Variants in LANCL2 observed in about 807,000 individuals in gnomAD.
The protein encoded by LANCL2 is LanC like glutathione S-transferase 2.
In LANCL2, 33 loss-of-function variants were observed where a neutral mutation model predicts 56.9. The observed-to-expected ratio is 0.58, with a 90% CI of 0.44 to 0.78. LANCL2 has a LOEUF of 0.78. LANCL2 is among the 30% of genes least tolerant of loss of function. The probability of loss-of-function intolerance (pLI) is 0.00; values close to 1 mark genes in which losing one functional copy is unlikely to be tolerated. For missense variants in LANCL2, 562 were observed against 580.2 expected, an observed-to-expected ratio of 0.97 and a Z score of 0.32; for synonymous variants, 233 against 228.2, an observed-to-expected ratio of 1.02 and a Z score of -0.19.
intron 7 of LANCL2, among the ~76,000 whole-genome samples, chr7:55,426,827 CG>C (rs1275116745): frequency 1.3e-5 from 2 of 152,116 alleles, no homozygotes; most frequent in African/African-American, 2.4e-5. Context: ...AGCCAGCGAG[CG>C]GGGAGCAGCC....
chr7:55,392,220 G>C (rs561230949), intron 2 of LANCL2, among the ~76,000 whole-genome samples: 1 of 152,214 alleles, frequency 6.6e-6, no homozygotes, highest in African/African-American at 2.4e-5. Flanking sequence ...TTGAACCTGG[G>C]AAGCGGAGGT....
intron 3 of LANCL2, 52 bp downstream of exon 3, chr7:55,398,682 G>A: frequency 1.5e-6 from 2 of 1,321,930 alleles, no homozygotes; most frequent in Non-Finnish European, 2.2e-6. Flanking sequence ...GGAAGCTCTT[G>A]CTGTAGAAAG....
intron 6 of LANCL2, among the ~76,000 whole-genome samples, chr7:55,414,074 G>GA (rs1185590786): frequency 8.5e-5 from 13 of 152,246 alleles, no homozygotes; most frequent in Admixed American, 6.5e-4. Context: ...ATATATCAAT[G>GA]AAAAATTTAA....
chr7:55,376,597 C>T (rs1205568252), intron 1 of LANCL2, among the ~76,000 whole-genome samples: 3 of 152,248 alleles, frequency 2.0e-5, no homozygotes, highest in Non-Finnish European at 4.4e-5. Flanking sequence ...TTGCCTGCCT[C>T]TGTGAGTGGG....
rs137977288 is a variant in LANCL2 at position 55,389,328 on chromosome 7, C to T, written c.205-2465C>T. ...TGCAGTTTCTCTTAGGTCATCCTGC[C>T]AATGAAGAGGGTTCCGCTTATGTCC... On this transcript the variant is annotated intron_variant, in intron 1 of 8. Transcript: ENST00000254770. Among the ~76,000 whole-genome samples, 77 of 152,202 alleles carry T rather than the reference C, an allele frequency of 5.1e-4. 1 individual carries two copies. The East Asian group carries it at 0.015, about 29-fold the overall frequency.
intron 6 of LANCL2, among the ~76,000 whole-genome samples, chr7:55,417,124 C>A (rs1181437423): frequency 6.6e-6 from 1 of 151,750 alleles, no homozygotes; most frequent in Non-Finnish European, 1.5e-5. Context: ...GGACTACAGG[C>A]GCCCGTCACC....
intron 2 of LANCL2, among the ~76,000 whole-genome samples, chr7:55,398,069 C>A (rs1790276971): frequency 6.6e-6 from 1 of 152,134 alleles, no homozygotes. Context: ...AAGTTAGGAT[C>A]TACAAGGGAG....
At position 55,401,274 on chromosome 7, in the gene LANCL2, T is replaced by C. The variant is rs201326525; in HGVS notation, c.779T>C (p.Val260Ala). The C allele has an allele frequency of 1.1e-5, 17 of 1,614,100 alleles. No individual in the cohort carries two copies. The East Asian group carries it at 2.7e-4, about 25-fold the overall frequency. The part of the protein sequence containing the change: ...LLYQWHRKQY[V>A]GAAHGMAGIY... ...TACCAGTGGCACCGGAAGCAGTACG[T>C]TGGAGCAGCCCATGGCATGGCTGGA... Residue 260 changes from valine (V) to alanine (A), a missense_variant, in exon 5 of 9, where the codon GTT (valine) becomes GCT (alanine). Physicochemically the swap from Val to Ala is moderately conservative, Grantham distance 64. Transcript: ENST00000254770.
At chr7:55,431,133 C>A in intron 8 of LANCL2, 93 bp from the exon 9 acceptor site, 1 of 857,490 alleles carries the variant, frequency 1.2e-6, no homozygotes, top group Non-Finnish European at 1.7e-6. Flanking sequence ...TTCCCACATG[C>A]TTGCAGCCCC....
At chr7:55,379,279 C>T (rs547607787) in intron 1 of LANCL2, among the ~76,000 whole-genome samples, 5 of 152,308 alleles carry the variant, frequency 3.3e-5, no homozygotes, top group South Asian at 4.1e-4. Flanking sequence ...GCCTGGAAAA[C>T]TCAACTTAAA....
intron 4 of LANCL2, among the ~76,000 whole-genome samples, chr7:55,400,910 C>T (rs952835437): frequency 6.6e-6 from 1 of 152,092 alleles, no homozygotes; most frequent in South Asian, 2.1e-4. Flanking sequence ...CTAGATTTTT[C>T]GTTGACTTTT....
At chr7:55,421,424 C>CG (rs1393531249) in intron 6 of LANCL2, among the ~76,000 whole-genome samples, 1 of 150,984 alleles carries the variant, frequency 6.6e-6, no homozygotes, top group Non-Finnish European at 1.5e-5. Flanking sequence ...CTGCAACCTC[C>CG]GCCTCCTGGG....
Position 55,404,253 on chromosome 7 carries a change from TCTC to T in LANCL2, c.825+2944_825+2946del, listed in dbSNP as rs574561230. 1.3e-3 allele frequency among the ~76,000 whole-genome samples: 200 copies of T among 152,146 alleles called. 2 individuals are homozygous for T. Among genetic ancestry groups the T allele is most frequent in the African/African-American group, 4.7e-3 (195 of 41,500 alleles). ...TCTGCCACCGCCTCCTCCTCCTTCT[TCTC>T]CTCCTCCTCCCTCCTCTACCTTTCT... On this transcript the variant is annotated intron_variant, in intron 5 of 8. Transcript: ENST00000254770.
chr7:55,387,043 G>T (rs1204457033), intron 1 of LANCL2, among the ~76,000 whole-genome samples: 1 of 151,950 alleles, frequency 6.6e-6, no homozygotes, highest in Non-Finnish European at 1.5e-5. Context: ...AAAAGTTTGG[G>T]TTTTTTTTAA....
chr7:55,396,769 A>G (rs1004820335), intron 2 of LANCL2, among the ~76,000 whole-genome samples: 5 of 152,170 alleles, frequency 3.3e-5, no homozygotes, highest in Non-Finnish European at 4.4e-5. Flanking sequence ...TTAAGTATAT[A>G]TAACTGTAAG....
At chr7:55,385,389 G>T (rs6593243) in intron 1 of LANCL2, among the ~76,000 whole-genome samples, 45,687 of 152,068 alleles carry the variant, frequency 0.3, 7,305 homozygotes, top group Non-Finnish European at 0.35. Flanking sequence ...CAGGGGACCT[G>T]CCCCGATAAT....
chr7:55,385,382 G>A (rs1474664941), intron 1 of LANCL2, among the ~76,000 whole-genome samples: 14 of 152,104 alleles, frequency 9.2e-5, no homozygotes, highest in Non-Finnish European at 1.5e-5. Context: ...ACTGTATCAG[G>A]GGACCTGCCC....
intron 1 of LANCL2, chr7:55,379,616 T>C (rs1268745137): frequency 6.5e-6 from 1 of 152,702 alleles, no homozygotes; most frequent in East Asian, 1.9e-4. Context: ...TTCCTTCTCA[T>C]GCAAATGATT....
At chr7:55,405,713 C>T (rs1790398656) in intron 5 of LANCL2, among the ~76,000 whole-genome samples, 1 of 151,866 alleles carries the variant, frequency 6.6e-6, no homozygotes, top group Non-Finnish European at 1.5e-5. Flanking sequence ...AAGAACCATG[C>T]CAGTGTCTTT....
Sources: allele counts gnomAD v4.1 joint callset (sites outside exome capture counted in the v4.1 genomes callset), GRCh38; gene constraint gnomAD v4.1.1; transcripts MANE v1.5; gene names NCBI Gene and HGNC (gene_info 2026-07-23, HGNC 2026-07-21).